CRB1: variants seen among roughly 807,000 people sequenced by gnomAD.
CRB1 encodes the protein protein crumbs homolog 1.
A neutral mutation model predicts 120.0 loss-of-function variants in CRB1; 83 were observed. That is an observed-to-expected ratio of 0.69 (90% CI 0.58 to 0.83). CRB1 has a LOEUF of 0.83. Among genes scored for constraint, CRB1 ranks in the 40% least tolerant of loss-of-function variants. The pLI is 0.00. For synonymous variants in CRB1, 625 were observed against 612.5 expected (o/e 1.02, Z -0.30); for missense variants, 1,699 against 1,687.6 (o/e 1.01, Z -0.12).
At position 197,441,620 on chromosome 1, in the gene CRB1, TA is replaced by T. The variant is rs1190376052; in HGVS notation, c.3879-543del. On this transcript the variant is annotated intron_variant, in intron 10 of 11. Coordinates refer to ENST00000367400, the MANE Select transcript of CRB1 (RefSeq NM_201253.3). ...GAAAATAATTCAAAATCTCTCAGAATAAACCTCTCCTCTTCCTCCTCCTCCT... is the reference window on the plus strand; with the variant it reads ...GAAAATAATTCAAAATCTCTCAGAATAACCTCTCCTCTTCCTCCTCCTCCT... The T allele has an allele frequency of 2.1e-5, 3 of 144,868 alleles. No individual in the cohort carries two copies. The East Asian group carries it at 6.5e-4, about 31-fold the overall frequency. The allele number at this position is 144,868 out of a possible 1,614,324, so 9.0% of individuals were successfully genotyped here.
the CRB1 span, among the ~76,000 whole-genome samples, chr1:197,251,028 T>G: frequency 1.3e-5 from 2 of 152,038 alleles, no homozygotes; most frequent in Non-Finnish European, 2.9e-5. Flanking sequence ...TAGCCATTTT[T>G]TATTGAACAA....
intron 3 of CRB1, among the ~76,000 whole-genome samples, chr1:197,347,133 C>T (rs947038728): frequency 6.6e-6 from 1 of 151,900 alleles, no homozygotes; most frequent in Non-Finnish European, 1.5e-5. Context: ...TTTGCATGAC[C>T]CTGTACTTTA....
chr1:197,344,088 A>G (rs1226313196), intron 2 of CRB1, among the ~76,000 whole-genome samples, 193 bp from the exon 3 acceptor site: 2 of 152,256 alleles, frequency 1.3e-5, no homozygotes, highest in South Asian at 2.1e-4. Flanking sequence ...ATTCTTTGTA[A>G]CAGCTGCTCT....
intron 11 of CRB1, among the ~76,000 whole-genome samples, chr1:197,469,219 C>T (rs1228876578): frequency 6.6e-6 from 1 of 151,872 alleles, no homozygotes; most frequent in African/African-American, 2.4e-5. Flanking sequence ...GACCCTGTCT[C>T]AAAATAAATA....
At chr1:197,330,278 T>G (rs766143015) in intron 2 of CRB1, among the ~76,000 whole-genome samples, 3 of 152,196 alleles carry the variant, frequency 2.0e-5, no homozygotes, top group Non-Finnish European at 2.9e-5. Context: ...TCAACTCTTG[T>G]GTGTACTACT....
intron 9 of CRB1, among the ~76,000 whole-genome samples, chr1:197,437,369 C>A (rs1169580521): frequency 6.6e-6 from 1 of 152,064 alleles, no homozygotes; most frequent in African/African-American, 2.4e-5. Flanking sequence ...TGTTTAAAAG[C>A]AAGAAGAATT....
intron 11 of CRB1, among the ~76,000 whole-genome samples, chr1:197,473,696 T>G (rs1000467523): frequency 6.6e-6 from 1 of 152,022 alleles, no homozygotes; most frequent in African/African-American, 2.4e-5. Flanking sequence ...ATTCAAAAGC[T>G]CAGTGTTAGA....
chr1:197,404,577 C>T (rs1239177917), intron 5 of CRB1, among the ~76,000 whole-genome samples: 1 of 149,166 alleles, frequency 6.7e-6, no homozygotes, highest in Non-Finnish European at 1.5e-5. Context: ...TAAGCATTTT[C>T]TCCAATTCAG....
intron 6 of CRB1, 39 bp downstream of exon 6, chr1:197,421,995 C>G: frequency 6.3e-7 from 1 of 1,587,804 alleles, no homozygotes; most frequent in Non-Finnish European, 8.6e-7. Context: ...GAGTGCCATG[C>G]CTCAGAGCAG....
intron 1 of CRB1, among the ~76,000 whole-genome samples, chr1:197,325,131 A>G (rs1341383913): frequency 1.3e-5 from 2 of 152,120 alleles, no homozygotes; most frequent in Non-Finnish European, 2.9e-5. Context: ...ACAAATTTCT[A>G]TTGACTGCCT....
intron 5 of CRB1, among the ~76,000 whole-genome samples, chr1:197,383,158 T>C (rs772476163): frequency 2.0e-4 from 30 of 152,150 alleles, no homozygotes; most frequent in Admixed American, 4.6e-4. Flanking sequence ...CTTTCACCAG[T>C]TCACCCTTCA....
chr1:197,434,727 A>C lies in CRB1; in HGVS notation c.2864A>C (p.Asn955Thr). ...TTAGGTATTGCAAATGCTGTTTTTA[A>C]TGGACAAAGCGGTCAAATATTATTC... Reference protein sequence around the residue: ...GFECIANAVFNGQSGQILFRS... With the variant: ...GFECIANAVFTGQSGQILFRS... Residue 955 changes from asparagine to threonine, a missense_variant, in exon 9 of 12, where the codon AAT becomes ACT. Physicochemically the swap from Asn to Thr is moderately conservative, Grantham distance 65. Transcript: ENST00000367400. 2.5e-6 allele frequency: 4 copies of C among 1,613,464 alleles called. No homozygotes were observed. The highest frequency in any genetic ancestry group is 2.5e-6 in the Non-Finnish European group (3 of 1,179,542).
chr1:197,382,077 C>A (rs546109017), intron 5 of CRB1, among the ~76,000 whole-genome samples: 1 of 152,116 alleles, frequency 6.6e-6, no homozygotes. Context: ...GTGATGGTGA[C>A]GGGGAGTAGG....
intron 2 of CRB1, among the ~76,000 whole-genome samples, chr1:197,333,942 A>G (rs1170218649): frequency 2.0e-5 from 3 of 152,238 alleles, no homozygotes; most frequent in African/African-American, 7.2e-5. Flanking sequence ...ATTGTATCCA[A>G]GGAAAACTTG....
chr1:197,415,612 CT>C (rs149474385), intron 5 of CRB1, among the ~76,000 whole-genome samples: 9,261 of 129,250 alleles, frequency 0.072, 1,116 homozygotes, highest in African/African-American at 0.24. Context: ...TTTCTTTTTT[CT>C]TTTTTTTTTC....
chr1:197,391,655 CTT>C (rs1662513651), intron 5 of CRB1, among the ~76,000 whole-genome samples: 1 of 152,194 alleles, frequency 6.6e-6, no homozygotes, highest in African/African-American at 2.4e-5. Flanking sequence ...AAATTCGACT[CTT>C]GGGTTTTGCA....
intron 5 of CRB1, among the ~76,000 whole-genome samples, chr1:197,384,378 TC>T: frequency 6.6e-6 from 1 of 152,102 alleles, no homozygotes; most frequent in African/African-American, 2.4e-5. Context: ...GACCCACATT[TC>T]CCCCTGACAA....
intron 11 of CRB1, among the ~76,000 whole-genome samples, chr1:197,474,229 T>C (rs1433816993): frequency 6.6e-6 from 1 of 152,214 alleles, no homozygotes; most frequent in Non-Finnish European, 1.5e-5. Context: ...TCCTTTGAAG[T>C]AGATGTTAAT....
At chr1:197,340,505 T>C (rs1018229097) in intron 2 of CRB1, among the ~76,000 whole-genome samples, 1 of 152,078 alleles carries the variant, frequency 6.6e-6, no homozygotes, top group Non-Finnish European at 1.5e-5. Flanking sequence ...CACATTTCTA[T>C]AGAAATGTAG....
Sources: allele counts gnomAD v4.1 joint callset (sites outside exome capture counted in the v4.1 genomes callset), GRCh38; gene constraint gnomAD v4.1.1; transcripts MANE v1.5; gene names NCBI Gene and HGNC (gene_info 2026-07-23, HGNC 2026-07-21).